Variants in ARMC9 observed in about 807,000 individuals in gnomAD.
ARMC9 encodes the protein armadillo repeat containing 9.
Under a neutral mutation model 107.0 loss-of-function variants are expected in ARMC9, and 94 were observed. The ratio of observed to expected loss-of-function variants is 0.88; its 90% CI spans 0.74 to 1.04. The LOEUF (loss-of-function observed/expected upper bound fraction) is 1.04, where lower values mean the gene tolerates loss of function less well. Ranked by LOEUF, ARMC9 falls within the 50% of genes least tolerant of loss-of-function variation. The probability of loss-of-function intolerance (pLI) is 0.00; values close to 1 mark genes in which losing one functional copy is unlikely to be tolerated. For missense variants in ARMC9, 942 were observed against 1,030.1 expected, an observed-to-expected ratio of 0.91 and a Z score of 1.17; for synonymous variants, 380 against 396.9, an observed-to-expected ratio of 0.96 and a Z score of 0.51.
At chr2:231,199,232 T>C (rs58383275) in intron 1 of ARMC9, among the ~76,000 whole-genome samples, 43,548 of 152,050 alleles carry the variant, frequency 0.29, 6,595 homozygotes, top group African/African-American at 0.37. Context: ...GCCGCTGCAA[T>C]CCCCAAATGT....
At position 231,372,863 on chromosome 2, in the gene ARMC9, C is replaced by T. The variant is rs993249795; in HGVS notation, c.*1328C>T. The T allele has an allele frequency of 6.6e-6, 1 of 152,090 alleles. No individual in the cohort carries two copies. The highest frequency in any genetic ancestry group is 2.4e-5 in the African/African-American group (1 of 41,414). 9.4% of individuals were successfully genotyped at this position (152,090 alleles called of 1,614,324 possible). A position where few individuals can be genotyped will look rare whatever the true frequency, so the allele number is the denominator to read the frequency against. On this transcript the variant is annotated 3_prime_UTR_variant, in exon 25 of 25. Coordinates refer to ENST00000611582, the MANE Select transcript of ARMC9 (RefSeq NM_001352754.2). ...TGGGGACATCTCTGGTCCCAATGGT[C>T]GTAAATAAAGGCTAAGCGCTGGATT...
Position 231,364,509 on chromosome 2 carries a change from C to T in ARMC9, c.2261+3626C>T, listed in dbSNP as rs149146536. On this transcript the variant is annotated intron_variant, in intron 23 of 24. Coordinates refer to ENST00000611582, the MANE Select transcript of ARMC9 (RefSeq NM_001352754.2). Reference sequence around the variant, plus strand: ...GCTCCCAATGGCACATTCATGCATCCAGCTAAAGAAACAACACATGCTCAT... The same window carrying T: ...GCTCCCAATGGCACATTCATGCATCTAGCTAAAGAAACAACACATGCTCAT... Among the ~76,000 whole-genome samples, 1,162 of 152,272 alleles carry T rather than the reference C, an allele frequency of 7.6e-3. 14 individuals carry two copies. The highest frequency in any genetic ancestry group is 0.027 in the African/African-American group (1,109 of 41,540).
chr2:231,364,135 G>A (rs943868256), intron 23 of ARMC9, among the ~76,000 whole-genome samples: 1 of 152,226 alleles, frequency 6.6e-6, no homozygotes, highest in Admixed American at 6.5e-5. Context: ...GTTGCACCCC[G>A]GAATGTGCAG....
chr2:231,280,134 C>T (rs913167349), intron 16 of ARMC9, among the ~76,000 whole-genome samples: 1 of 152,178 alleles, frequency 6.6e-6, no homozygotes, highest in Non-Finnish European at 1.5e-5. Context: ...ATATCATTAC[C>T]TGCTACCAAT....
chr2:231,244,795 C>G (rs373137347), intron 9 of ARMC9, among the ~76,000 whole-genome samples: 6 of 152,360 alleles, frequency 3.9e-5, no homozygotes, highest in African/African-American at 1.2e-4. Context: ...CTGTGGCCAC[C>G]ATGAGGGCGG....
intron 9 of ARMC9, among the ~76,000 whole-genome samples, chr2:231,244,397 C>A (rs1220806003): frequency 7.0e-6 from 1 of 143,798 alleles, no homozygotes. Flanking sequence ...GACAGGGTCT[C>A]GCTCTGTTAC....
intron 20 of ARMC9, among the ~76,000 whole-genome samples, chr2:231,343,120 TC>T (rs1216313405): frequency 6.6e-6 from 1 of 151,534 alleles, no homozygotes; most frequent in Non-Finnish European, 1.5e-5. Context: ...TCCATGTTAG[TC>T]AGGCTGGTCT....
chr2:231,318,914 A>G (rs1302786689), intron 19 of ARMC9, among the ~76,000 whole-genome samples: 1 of 152,210 alleles, frequency 6.6e-6, no homozygotes, highest in South Asian at 2.1e-4. Flanking sequence ...CCTTCAACAA[A>G]TAAGCAGAGA....
At chr2:231,220,720 A>G (rs1038832535) in intron 5 of ARMC9, among the ~76,000 whole-genome samples, 3 of 152,096 alleles carry the variant, frequency 2.0e-5, no homozygotes, top group Non-Finnish European at 4.4e-5. Context: ...TCTTATTCTC[A>G]GAGTTGAAAG....
At chr2:231,229,162 A>C (rs1420147877) in intron 7 of ARMC9, among the ~76,000 whole-genome samples, 4 of 151,970 alleles carry the variant, frequency 2.6e-5, no homozygotes, top group Admixed American at 6.6e-5. Context: ...TGAACTCTGT[A>C]ATGTGGTGTT....
intron 12 of ARMC9, among the ~76,000 whole-genome samples, chr2:231,263,042 T>G (rs2038527737): frequency 6.6e-6 from 1 of 152,160 alleles, no homozygotes; most frequent in Non-Finnish European, 1.5e-5. Flanking sequence ...ATGGTCTTTC[T>G]CTTCTGTCCT....
In ARMC9 at chr2:231,355,732, C is replaced by T. The variant is rs1349527861; in HGVS notation, c.1995-66C>T. ...CCTCCTGTATTTGTGATGCTGCAGT[C>T]GGCAGTCGGCAGTCCGAATCTCCTG... On this transcript the variant is annotated intron_variant, in intron 21 of 24. Coordinates refer to ENST00000611582, the MANE Select transcript of ARMC9 (RefSeq NM_001352754.2). 32 of 1,308,770 alleles carry T rather than the reference C, an allele frequency of 2.4e-5. No individual in the cohort carries two copies. The East Asian group carries it at 2.8e-4, about 11-fold the overall frequency. The allele number at this position is 1,308,770 out of a possible 1,614,324, so 81.1% of individuals were successfully genotyped here.
intron 14 of ARMC9, among the ~76,000 whole-genome samples, chr2:231,275,648 C>T (rs7596178): frequency 3.9e-5 from 6 of 152,020 alleles, no homozygotes; most frequent in Admixed American, 6.5e-5. Flanking sequence ...GATTATAGAG[C>T]GTTTAGGTAA....
intron 16 of ARMC9, among the ~76,000 whole-genome samples, chr2:231,279,011 C>G (rs772379980): frequency 6.6e-6 from 1 of 152,180 alleles, no homozygotes; most frequent in Non-Finnish European, 1.5e-5. Flanking sequence ...CTGTACACTT[C>G]GAGTGCCATC....
At chr2:231,309,742 G>A (rs1183108931) in intron 19 of ARMC9, among the ~76,000 whole-genome samples, 1 of 151,632 alleles carries the variant, frequency 6.6e-6, no homozygotes. Context: ...CAAAATCTAA[G>A]ATGTTTTTTC....
At chr2:231,278,533 ACACAG>A in intron 16 of ARMC9, 75 bp downstream of exon 16, 4 of 1,350,528 alleles carry the variant, frequency 3.0e-6, no homozygotes, top group Non-Finnish European at 4.2e-6. Context: ...CCCCACAGGC[ACACAG>A]CTGGCCCAGG....
rs752871654 is a variant in ARMC9 at position 231,278,462 on chromosome 2, C to T, written c.1551+4C>T. The T allele has an allele frequency of 6.5e-5, 105 of 1,613,646 alleles. No individual in the cohort carries two copies. Among genetic ancestry groups the T allele is most frequent in the Non-Finnish European group, 6.9e-5 (81 of 1,179,942 alleles). On this transcript the variant is annotated splice_donor_region_variant and intron_variant, in intron 16 of 24. Transcript: ENST00000611582. Reference sequence around the variant, plus strand: ...TCTTGGCCATGAAAACCATGAGGTACTCATTCAGCACTGCTGGCCCTGGGC... The same window carrying T: ...TCTTGGCCATGAAAACCATGAGGTATTCATTCAGCACTGCTGGCCCTGGGC...
intron 9 of ARMC9, among the ~76,000 whole-genome samples, chr2:231,247,080 C>T (rs932997925): frequency 2.6e-5 from 4 of 152,028 alleles, no homozygotes; most frequent in East Asian, 1.9e-4. Context: ...CTCAGCCTCC[C>T]GAGTAGCTGG....
chr2:231,209,676 C>T (rs974326055), intron 3 of ARMC9, among the ~76,000 whole-genome samples: 1 of 152,112 alleles, frequency 6.6e-6, no homozygotes, highest in Non-Finnish European at 1.5e-5. Context: ...GCTGGGATTA[C>T]AGGCACACAC....
Sources: gnomAD v4.1 joint callset for allele counts (sites outside exome capture counted in the v4.1 genomes callset) on GRCh38, gnomAD v4.1.1 for gene constraint, MANE v1.5 for transcripts, NCBI Gene and HGNC (gene_info 2026-07-23, HGNC 2026-07-21) for gene names.